Variants in NADSYN1 observed in about 807,000 individuals in gnomAD.
NADSYN1 encodes glutamine-dependent NAD(+) synthetase.
Under a neutral mutation model 99.3 loss-of-function variants are expected in NADSYN1, and 80 were observed. That is an observed-to-expected ratio of 0.81 (90% confidence interval 0.67 to 0.97). NADSYN1 has a LOEUF of 0.97. Among genes scored for constraint, NADSYN1 ranks in the 50% least tolerant of loss-of-function variants. NADSYN1 has a pLI of 0.00. For synonymous variants in NADSYN1, 385 were observed against 372.1 expected (o/e 1.03, Z -0.40); for missense variants, 859 against 948.5 (o/e 0.91, Z 1.24).
rs776483679 is a variant in NADSYN1, at chr11:71,501,314, G to A, written c.2083G>A (p.Glu695Lys). ...CCTCTCTTTCCAGGTGCTACAGCTCGAGAGGGCAGAGCCACAGTCCCTGGA... is the reference window on the plus strand; with the variant it reads ...CCTCTCTTTCCAGGTGCTACAGCTCAAGAGGGCAGAGCCACAGTCCCTGGA... ...RCIENQVLQL[E>K]RAEPQSLDGV... The change falls in exon 21 of 21, where the codon GAG becomes AAG. Residue 695 changes from glutamate (E) to lysine (K), a missense_variant. Coordinates refer to ENST00000319023, the MANE Select transcript of NADSYN1 (RefSeq NM_018161.5). 3.6e-5 allele frequency: 57 copies of A among 1,600,016 alleles called. No homozygotes were observed. In the East Asian group the frequency reaches 9.2e-4, roughly 26 times the overall value.
At position 71,482,108 on chromosome 11, in the gene NADSYN1, G is replaced by A. The variant is rs559141687; in HGVS notation, c.1150+83G>A. 32 of 1,238,100 alleles carry A rather than the reference G, an allele frequency of 2.6e-5. No individual in the cohort carries two copies. In the South Asian group the frequency reaches 3.8e-4, roughly 15 times the overall value. 76.7% of individuals were successfully genotyped at this position (1,238,100 alleles called of 1,614,324 possible). On this transcript the variant is annotated intron_variant, in intron 13 of 20. Coordinates refer to ENST00000319023, the MANE Select transcript of NADSYN1 (RefSeq NM_018161.5). Reference sequence around the variant, plus strand: ...AGTTAGGGACCTAGGAGGGGGCAGAGGAAACACCCGTGCCATGGACATCGG... The same window carrying A: ...AGTTAGGGACCTAGGAGGGGGCAGAAGAAACACCCGTGCCATGGACATCGG...
chr11:71,458,447 C>T lies in NADSYN1; in HGVS notation c.166C>T (p.His56Tyr). 2 of 1,613,912 alleles carry T rather than the reference C, an allele frequency of 1.2e-6. No individual in the cohort carries two copies. The highest frequency in any genetic ancestry group is 1.7e-6 in the Non-Finnish European group (2 of 1,179,820). Residue 56 changes from histidine to tyrosine, a missense_variant, in exon 3 of 21, where the codon CAT (histidine) becomes TAT (tyrosine). Physicochemically the swap from His to Tyr is moderately conservative, Grantham distance 83 (BLOSUM62 2). Coordinates refer to ENST00000319023, the MANE Select transcript of NADSYN1 (RefSeq NM_018161.5). ...LEICGYGCWDHYYESDTLLHS... is the reference protein window; with the variant it reads ...LEICGYGCWDYYYESDTLLHS... ...CTGCAGCGGCTACGGATGTTGGGAT[C>T]ATTATTACGAGTCGGACACCCTCTT... is the stretch of plus-strand genomic sequence containing the variant.
Position 71,478,433 on chromosome 11 carries a change from G to C in NADSYN1, c.837G>C (p.Arg279=). The stretch of plus-strand genomic sequence containing the variant: ...CCACGCTGGATCTGGAGGACGTCCG[G>C]AGCTACAGGGCGGAGATTTCATCTC... The part of the protein sequence containing the change: ...LTATLDLEDV[R]SYRAEISSRN... Residue 279 remains arginine, a synonymous_variant, in exon 10 of 21, where the codon CGG becomes CGC. Transcript: ENST00000319023. 6.2e-7 allele frequency: 1 copy of C among 1,609,478 alleles called. No individual in the cohort carries two copies. Among genetic ancestry groups the C allele is most frequent in the Non-Finnish European group, 8.5e-7 (1 of 1,178,060 alleles).
intron 3 of NADSYN1, among the ~76,000 whole-genome samples, chr11:71,460,528 T>C (rs1565596072): frequency 6.6e-6 from 1 of 152,214 alleles, no homozygotes; most frequent in African/African-American, 2.4e-5. Flanking sequence ...TTTTATTTTT[T>C]ATTTTTCATA....
intron 6 of NADSYN1, 58 bp from the exon 7 acceptor site, chr11:71,473,220 C>T (rs1453501168): frequency 2.0e-6 from 3 of 1,521,830 alleles, no homozygotes; most frequent in Non-Finnish European, 1.8e-6. Context: ...CTAGGTAGTG[C>T]GTGGCCCAGA....
At chr11:71,469,073 T>G (rs1949611063) in intron 5 of NADSYN1, among the ~76,000 whole-genome samples, 1 of 152,188 alleles carries the variant, frequency 6.6e-6, no homozygotes, top group African/African-American at 2.4e-5. Flanking sequence ...CAGTGTAGTT[T>G]CCATAAGAAT....
chr11:71,486,931 G>A (rs1039056360), intron 16 of NADSYN1, among the ~76,000 whole-genome samples: 3 of 147,804 alleles, frequency 2.0e-5, no homozygotes, highest in South Asian at 2.2e-4. Context: ...TCAGCCTCCC[G>A]AGTAGCTGGG....
chr11:71,472,670 G>A (rs530082790), intron 6 of NADSYN1, among the ~76,000 whole-genome samples, 170 bp downstream of exon 6: 7 of 152,320 alleles, frequency 4.6e-5, no homozygotes, highest in South Asian at 4.1e-4. Flanking sequence ...GGGGGGCTGC[G>A]TGGCCAGACA....
At chr11:71,480,449 C>A (rs1949698429) in intron 10 of NADSYN1, among the ~76,000 whole-genome samples, 1 of 152,174 alleles carries the variant, frequency 6.6e-6, no homozygotes, top group Non-Finnish European at 1.5e-5. Context: ...GCTGGGATTA[C>A]AGGTGTGAGC....
intron 2 of NADSYN1, among the ~76,000 whole-genome samples, chr11:71,456,426 G>A (rs1006700472): frequency 2.6e-5 from 4 of 152,174 alleles, no homozygotes; most frequent in Non-Finnish European, 4.4e-5. Flanking sequence ...CCCCGTGGCC[G>A]GATCTTCTCC....
intron 9 of NADSYN1, 90 bp from the exon 10 acceptor site, chr11:71,478,305 G>A: frequency 9.4e-7 from 1 of 1,067,224 alleles, no homozygotes; most frequent in Non-Finnish European, 1.4e-6. Context: ...GCTTTAGAAG[G>A]TGTGACAACA....
chr11:71,462,966 G>A (rs1022453127), intron 3 of NADSYN1, among the ~76,000 whole-genome samples: 9 of 152,234 alleles, frequency 5.9e-5, no homozygotes, highest in South Asian at 2.1e-4. Context: ...TGATGGGAGC[G>A]TGAAGCCAAG....
intron 9 of NADSYN1, among the ~76,000 whole-genome samples, chr11:71,478,146 G>C (rs1167728999): frequency 2.6e-5 from 4 of 152,088 alleles, no homozygotes; most frequent in African/African-American, 9.7e-5. Context: ...TGACAGGGTG[G>C]TGTCTTGTGC....
At position 71,485,607 on chromosome 11, in the gene NADSYN1, C is replaced by T. The variant is rs749593994; in HGVS notation, c.1521C>T (p.His507=). The T allele has an allele frequency of 3.8e-5, 60 of 1,561,094 alleles. No individual in the cohort carries two copies. Among genetic ancestry groups the T allele is most frequent in the African/African-American group, 2.2e-4 (16 of 73,874 alleles). ...AQLSLWSRGV[H]GGLLVLGSAN... ...TGAGCCTCTGGTCTCGGGGTGTCCA[C>T]GGTGGGCTCCTCGTGCTGGGATCCG... Residue 507 remains histidine, a synonymous_variant, in exon 16 of 21, where the codon CAC becomes CAT. Coordinates refer to ENST00000319023, the MANE Select transcript of NADSYN1 (RefSeq NM_018161.5).
chr11:71,483,157 T>G (rs1273446782), intron 14 of NADSYN1, 140 bp downstream of exon 14: 4 of 1,024,592 alleles, frequency 3.9e-6, no homozygotes, highest in Non-Finnish European at 5.8e-6. Flanking sequence ...AACGTGTAAG[T>G]GCTCCATCCC....
chr11:71,486,624 C>T (rs1949744736), intron 16 of NADSYN1, among the ~76,000 whole-genome samples: 1 of 151,996 alleles, frequency 6.6e-6, no homozygotes, highest in African/African-American at 2.4e-5. Flanking sequence ...TCTGTCCATC[C>T]ACCCATCTGT....
chr11:71,476,047 T>C (rs1198942081), intron 9 of NADSYN1: 2 of 456,196 alleles, frequency 4.4e-6, no homozygotes, highest in East Asian at 1.4e-4. Context: ...CAAGAAAAAA[T>C]GGGCTATTAT....
In NADSYN1 at chr11:71,496,706, C is replaced by T. The variant is rs115384152; in HGVS notation, c.1765-777C>T. 4.4e-3 allele frequency: 677 copies of T among 153,248 alleles called. 8 individuals are homozygous for T. Among genetic ancestry groups the T allele is most frequent in the African/African-American group, 0.015 (622 of 41,578 alleles). The allele number at this position is 153,248 out of a possible 1,614,324, so 9.5% of individuals were successfully genotyped here. ...ACTCCATCCTTTGCTTCCTTCTTCC[C>T]GCAGTTTCCTCCCTTTCTCCACGTG... On this transcript the variant is annotated intron_variant, in intron 18 of 20. Coordinates refer to ENST00000319023, the MANE Select transcript of NADSYN1 (RefSeq NM_018161.5).
At chr11:71,473,729 G>A in intron 8 of NADSYN1, 43 bp downstream of exon 8, 3 of 1,400,580 alleles carry the variant, frequency 2.1e-6, no homozygotes, top group South Asian at 2.3e-5. Context: ...GGCAGACACT[G>A]TATCTCAAGA....
Sources: gnomAD v4.1 joint callset for allele counts (sites outside exome capture counted in the v4.1 genomes callset) on GRCh38, gnomAD v4.1.1 for gene constraint, MANE v1.5 for transcripts, NCBI Gene and HGNC (gene_info 2026-07-23, HGNC 2026-07-21) for gene names.